Variants in SNX13 observed in about 807,000 individuals in gnomAD.
The protein encoded by SNX13 is sorting nexin 13, also known as sorting nexin-13.
In SNX13, 45 loss-of-function variants were observed where a neutral mutation model predicts 133.6. That is an observed-to-expected ratio of 0.34 (90% CI 0.27 to 0.43). SNX13 has a LOEUF of 0.43. SNX13 is among the 20% of genes least tolerant of loss of function. The pLI, the probability that SNX13 is intolerant of heterozygous loss-of-function variation, is 1.00. For missense variants in SNX13, 1,032 were observed against 1,145.1 expected (o/e 0.90, Z 1.43); for synonymous variants, 414 against 373.9 (o/e 1.11, Z -1.24).
rs1224685289 is a variant in SNX13 at position 17,839,915 on chromosome 7, T to C, written c.1251A>G (p.Leu417=). The change falls in exon 13 of 26, where the codon CTA becomes CTG. Residue 417 remains leucine, a synonymous_variant. Coordinates refer to ENST00000428135, the MANE Select transcript of SNX13 (RefSeq NM_015132.5). ...CTCTCTGACGACTTAATAAAACTTC[T>C]AGCTGCTGTTGGGCGGTAACCCGGT... ...EGYRVTAQQQ[L]EVLLSRQRDG... 6.2e-6 allele frequency: 10 copies of C among 1,612,028 alleles called. No individual in the cohort carries two copies. The highest frequency in any genetic ancestry group is 8.5e-6 in the Non-Finnish European group (10 of 1,178,744).
chr7:17,905,626 G>A (rs899875448), intron 1 of SNX13, among the ~76,000 whole-genome samples: 1 of 152,130 alleles, frequency 6.6e-6, no homozygotes, highest in African/African-American at 2.4e-5. Context: ...ATATGCTAAA[G>A]TTTTGGTAAA....
chr7:17,794,745 T>C (rs1369400934), intron 25 of SNX13: 1 of 152,026 alleles, frequency 6.6e-6, no homozygotes, highest in Non-Finnish European at 1.5e-5. Flanking sequence ...TTAGTAGGCC[T>C]AATGAATAGT....
At chr7:17,908,824 CAA>C (rs1312218086) in intron 1 of SNX13, among the ~76,000 whole-genome samples, 4 of 152,086 alleles carry the variant, frequency 2.6e-5, no homozygotes, top group Non-Finnish European at 4.4e-5. Context: ...TCAGTTATTA[CAA>C]GACTTTAGGA....
At chr7:17,831,571 C>T (rs1210078010) in intron 15 of SNX13, 2 of 984,086 alleles carry the variant, frequency 2.0e-6, no homozygotes, top group South Asian at 4.7e-5. Context: ...AAAGAAAAAC[C>T]ACCAGAGGAT....
At chr7:17,881,324 A>G (rs1428061094) in intron 5 of SNX13, 1 of 151,920 alleles carries the variant, frequency 6.6e-6, no homozygotes, top group East Asian at 1.9e-4. Context: ...AGGTATATAC[A>G]TATACACATA....
chr7:17,801,625 G>C lies in SNX13; in HGVS notation c.2261C>G (p.Pro754Arg). 6.2e-7 allele frequency: 1 copy of C among 1,609,512 alleles called. No homozygotes were observed. The highest frequency in any genetic ancestry group is 1.3e-5 in the African/African-American group (1 of 74,898). ...PPLIPKTDSD[P>R]EHRRVSAQLD... ...TTGAGCCGAAACTCGGCGATGTTCAGGGTCTGAATCAGTCTTAGGAATTAA... is the reference window on the plus strand; with the variant it reads ...TTGAGCCGAAACTCGGCGATGTTCACGGTCTGAATCAGTCTTAGGAATTAA... Residue 754 changes from proline (P) to arginine (R), a missense_variant, in exon 22 of 26, where the codon CCT (proline) becomes CGT (arginine). By Grantham distance (103) the Pro-to-Arg change is moderately radical. Coordinates refer to ENST00000428135, the MANE Select transcript of SNX13 (RefSeq NM_015132.5).
chr7:17,811,579 A>C (rs1786028491), intron 20 of SNX13, among the ~76,000 whole-genome samples: 1 of 152,234 alleles, frequency 6.6e-6, no homozygotes, highest in South Asian at 2.1e-4. Context: ...TGCCCAAAGT[A>C]ATTTACAGAT....
chr7:17,877,929 A>C (rs1794909978), intron 5 of SNX13, among the ~76,000 whole-genome samples: 3 of 152,042 alleles, frequency 2.0e-5, no homozygotes, highest in Non-Finnish European at 4.4e-5. Flanking sequence ...TAGGAAGAAC[A>C]ATAGCACACT....
chr7:17,909,572 C>T (rs73083336), intron 1 of SNX13, among the ~76,000 whole-genome samples: 3,484 of 152,292 alleles, frequency 0.023, 45 homozygotes, highest in Non-Finnish European at 0.029. Context: ...GGACATGGGT[C>T]GAGCTAGAAG....
chr7:17,812,090 A>G (rs993435103), intron 20 of SNX13, among the ~76,000 whole-genome samples: 2 of 152,226 alleles, frequency 1.3e-5, no homozygotes, highest in African/African-American at 4.8e-5. Flanking sequence ...AGGGATGGGC[A>G]AAGACTTCAT....
At chr7:17,808,783 AGAGT>A (rs1234340691) in intron 20 of SNX13, among the ~76,000 whole-genome samples, 1 of 152,210 alleles carries the variant, frequency 6.6e-6, no homozygotes, top group Admixed American at 6.5e-5. Context: ...AAGCCAGAAG[AGAGT>A]GAGGGCCAAT....
intron 21 of SNX13, 22 bp downstream of exon 21, chr7:17,803,397 A>G: frequency 6.3e-7 from 1 of 1,587,154 alleles, no homozygotes; most frequent in Non-Finnish European, 8.6e-7. Context: ...TGCTTTAGAC[A>G]TTACTGAAAA....
intron 1 of SNX13, among the ~76,000 whole-genome samples, chr7:17,915,796 C>T (rs1433993310): frequency 6.6e-6 from 1 of 152,184 alleles, no homozygotes; most frequent in Non-Finnish European, 1.5e-5. Context: ...TGACACTTGA[C>T]CAATTGGACC....
intron 17 of SNX13, among the ~76,000 whole-genome samples, chr7:17,822,741 G>A (rs1290362570): frequency 2.0e-5 from 3 of 152,088 alleles, no homozygotes; most frequent in Non-Finnish European, 4.4e-5. Context: ...CCTGGGCTAG[G>A]GAAGCGTTCA....
At chr7:17,938,626 G>C (rs149580900) in intron 1 of SNX13, among the ~76,000 whole-genome samples, 3 of 152,190 alleles carry the variant, frequency 2.0e-5, no homozygotes, top group Non-Finnish European at 4.4e-5. Flanking sequence ...TTGATTTACT[G>C]TTTAAAATAT....
intron 1 of SNX13, among the ~76,000 whole-genome samples, chr7:17,915,558 G>A (rs1472281245): frequency 1.3e-5 from 2 of 152,152 alleles, no homozygotes; most frequent in African/African-American, 4.8e-5. Flanking sequence ...TGACTGTGGT[G>A]GAGCAGCCCA....
intron 7 of SNX13, among the ~76,000 whole-genome samples, chr7:17,874,537 T>C (rs922663346): frequency 2.6e-5 from 4 of 151,970 alleles, no homozygotes; most frequent in African/African-American, 7.3e-5. Context: ...CATTAAAACC[T>C]GAATTATACA....
chr7:17,819,281 C>CT (rs1787014700), intron 18 of SNX13, among the ~76,000 whole-genome samples: 2 of 152,172 alleles, frequency 1.3e-5, no homozygotes, highest in African/African-American at 2.4e-5. Context: ...GGGTCTCACT[C>CT]TGTCACCCAG....
chr7:17,792,278 G>A lies in SNX13; in HGVS notation c.*1767C>T, dbSNP rs1783623648. The A allele has an allele frequency of 6.6e-6, 1 of 151,922 alleles. No homozygotes were observed. Among genetic ancestry groups the A allele is most frequent in the African/African-American group, 2.4e-5 (1 of 41,388 alleles). The allele number at this position is 151,922 out of a possible 1,614,324, so 9.4% of individuals were successfully genotyped here. A position where few individuals can be genotyped will look rare whatever the true frequency, so the allele number is the denominator to read the frequency against. ...TGGGGCTCAGGGAGGGGCCAAGGCA[G>A]GGAGACACCCTGAGAAGAAGAAATA... On this transcript the variant is annotated 3_prime_UTR_variant, in exon 26 of 26. Transcript: ENST00000428135.
Sources: allele counts gnomAD v4.1 joint callset (sites outside exome capture counted in the v4.1 genomes callset), GRCh38; gene constraint gnomAD v4.1.1; transcripts MANE v1.5; gene names NCBI Gene and HGNC (gene_info 2026-07-23, HGNC 2026-07-21).